The following DGKB variants were observed in gnomAD, a reference collection of about 807,000 sequenced individuals.
DGKB encodes 90 kDa diacylglycerol kinase.
DGKB carries 67 observed loss-of-function variants against 114.3 expected under a neutral mutation model. The observed-to-expected ratio is 0.59, with a 90% CI of 0.48 to 0.72. DGKB has a LOEUF of 0.72. Among genes scored for constraint, DGKB ranks in the 30% least tolerant of loss-of-function variants. The probability of loss-of-function intolerance (pLI) is 0.00; values close to 1 mark genes in which losing one functional copy is unlikely to be tolerated. For missense variants in DGKB, 907 were observed against 975.2 expected, an observed-to-expected ratio of 0.93 and a Z score of 0.93; for synonymous variants, 398 against 323.1, an observed-to-expected ratio of 1.23 and a Z score of -2.49.
chr7:14,607,535 A>G (rs773409074), intron 16 of DGKB, 27 bp from the exon 17 acceptor site: 3 of 1,063,212 alleles, frequency 2.8e-6, no homozygotes, highest in Non-Finnish European at 4.4e-6. Context: ...GTGGGGAAAA[A>G]ATTTAATAAT....
At chr7:14,374,646 T>A (rs1016392970) in intron 21 of DGKB, among the ~76,000 whole-genome samples, 1 of 152,214 alleles carries the variant, frequency 6.6e-6, no homozygotes, top group South Asian at 2.1e-4. Context: ...CCCTTTGGTA[T>A]GATAATAAGA....
intron 23 of DGKB, among the ~76,000 whole-genome samples, chr7:14,311,683 T>G (rs73054206): frequency 6.6e-6 from 1 of 152,164 alleles, no homozygotes; most frequent in African/African-American, 2.4e-5. Flanking sequence ...ACCTTGGCCT[T>G]CTAAAGTTGT....
At chr7:14,449,715 C>T (rs957153649) in intron 21 of DGKB, among the ~76,000 whole-genome samples, 1 of 152,038 alleles carries the variant, frequency 6.6e-6, no homozygotes, top group African/African-American at 2.4e-5. Context: ...GATATGTAAC[C>T]TCCTCTCCAA....
intron 23 of DGKB, among the ~76,000 whole-genome samples, chr7:14,250,949 C>A (rs888221316): frequency 3.9e-5 from 6 of 152,084 alleles, no homozygotes; most frequent in African/African-American, 1.2e-4. Context: ...AGCAGAGCCA[C>A]CCTGCTCTTT....
At chr7:14,301,165 A>G (rs188073852) in intron 23 of DGKB, among the ~76,000 whole-genome samples, 8 of 152,244 alleles carry the variant, frequency 5.3e-5, no homozygotes, top group Non-Finnish European at 1.0e-4. Flanking sequence ...TAAAACATGC[A>G]TCATCTTATA....
At chr7:14,746,191 T>C (rs975205591) in intron 4 of DGKB, among the ~76,000 whole-genome samples, 2 of 151,942 alleles carry the variant, frequency 1.3e-5, no homozygotes, top group African/African-American at 4.8e-5. Context: ...ATAAAAAAAT[T>C]AGCATGGTGG....
chr7:14,178,847 T>C (rs1250190561), intron 23 of DGKB, among the ~76,000 whole-genome samples: 1 of 152,138 alleles, frequency 6.6e-6, no homozygotes. Flanking sequence ...AAAAAGGGGC[T>C]AATAGTTAAG....
intron 2 of DGKB, among the ~76,000 whole-genome samples, chr7:14,822,117 T>C (rs979188100): frequency 6.6e-6 from 1 of 152,178 alleles, no homozygotes; most frequent in African/African-American, 2.4e-5. Flanking sequence ...AGGGATTAAA[T>C]AATGCATTTT....
intron 23 of DGKB, among the ~76,000 whole-genome samples, chr7:14,228,620 G>T (rs973898690): frequency 9.9e-5 from 15 of 151,876 alleles, no homozygotes; most frequent in African/African-American, 3.4e-4. Context: ...TACCCACAAA[G>T]CACACTGGCT....
intron 2 of DGKB, among the ~76,000 whole-genome samples, chr7:14,790,368 G>A (rs375020676): frequency 7.9e-5 from 12 of 152,134 alleles, no homozygotes; most frequent in Middle Eastern, 3.4e-3. Context: ...TTTGCCTAGC[G>A]TTAGTTCCCA....
At chr7:14,278,585 G>A (rs1799377342) in intron 23 of DGKB, among the ~76,000 whole-genome samples, 1 of 152,090 alleles carries the variant, frequency 6.6e-6, no homozygotes, top group Non-Finnish European at 1.5e-5. Flanking sequence ...GTCTGGCAAT[G>A]ATTTTTGGGG....
At chr7:14,372,973 A>G (rs2128658313) in intron 21 of DGKB, among the ~76,000 whole-genome samples, 1 of 152,220 alleles carries the variant, frequency 6.6e-6, no homozygotes, top group East Asian at 1.9e-4. Context: ...TGGCCATTTT[A>G]TGGAGGGGAT....
rs533978713 is a variant in DGKB at position 14,741,195 on chromosome 7, T to G, written c.169-5001A>C. Among the ~76,000 whole-genome samples the G allele has an allele frequency of 2.2e-4, 33 of 152,278 alleles. 1 individual carries two copies. The East Asian group carries it at 5.6e-3, about 26-fold the overall frequency. On this transcript the variant is annotated intron_variant, in intron 4 of 25. Coordinates refer to ENST00000402815, the MANE Select transcript of DGKB (RefSeq NM_001350709.2). ...AACCCTTAAACTGGTTGGCTTAGAA[T>G]TGAGCTCAGGGGAGGGGAACCCAGA...
intron 23 of DGKB, among the ~76,000 whole-genome samples, chr7:14,182,042 A>T (rs1384754507): frequency 6.6e-6 from 1 of 152,178 alleles, no homozygotes; most frequent in Non-Finnish European, 1.5e-5. Context: ...CATGTAATTG[A>T]AATTAAGCAT....
At chr7:14,361,464 A>T (rs946783296) in intron 21 of DGKB, among the ~76,000 whole-genome samples, 1 of 152,014 alleles carries the variant, frequency 6.6e-6, no homozygotes, top group African/African-American at 2.4e-5. Context: ...ATGGATTTAC[A>T]TCTTGAGGGA....
At chr7:14,183,957 A>G (rs1360691234) in intron 23 of DGKB, among the ~76,000 whole-genome samples, 2 of 152,278 alleles carry the variant, frequency 1.3e-5, no homozygotes, top group South Asian at 4.1e-4. Context: ...GACCCCCCAA[A>G]TACTGAGTGC....
At chr7:14,641,268 G>GCA (rs1811742605) in intron 13 of DGKB, among the ~76,000 whole-genome samples, 2 of 12,186 alleles carry the variant, frequency 1.6e-4, no homozygotes, top group Non-Finnish European at 2.1e-4. Flanking sequence ...TAGGGATTTG[G>GCA]TTTACAATAT....
intron 23 of DGKB, among the ~76,000 whole-genome samples, chr7:14,312,876 C>T (rs2128509056): frequency 6.6e-6 from 1 of 152,222 alleles, no homozygotes; most frequent in Non-Finnish European, 1.5e-5. Context: ...ATTTACTAGT[C>T]TTAGCTTGAA....
chr7:14,413,835 TTG>T (rs1825280104), intron 21 of DGKB, among the ~76,000 whole-genome samples: 1 of 152,110 alleles, frequency 6.6e-6, no homozygotes, highest in African/African-American at 2.4e-5. Flanking sequence ...CTTCAGTATT[TTG>T]GCTATAAAGA....
Sources: gnomAD v4.1 joint callset for allele counts (sites outside exome capture counted in the v4.1 genomes callset) on GRCh38, gnomAD v4.1.1 for gene constraint, MANE v1.5 for transcripts, NCBI Gene and HGNC (gene_info 2026-07-23, HGNC 2026-07-21) for gene names.